The following HHAT variants were observed in gnomAD, a reference collection of about 807,000 sequenced individuals.
HHAT encodes the protein protein-cysteine N-palmitoyltransferase HHAT.
In HHAT, 47 loss-of-function variants were observed where a neutral mutation model predicts 70.8. The observed-to-expected ratio is 0.66, with a 90% CI of 0.53 to 0.85. The LOEUF is 0.85. Ranked by LOEUF, HHAT falls within the 40% of genes least tolerant of loss-of-function variation. The pLI is 0.00. For synonymous variants in HHAT, 228 were observed against 247.6 expected, an observed-to-expected ratio of 0.92 and a Z score of 0.74; for missense variants, 609 against 604.8, an observed-to-expected ratio of 1.01 and a Z score of -0.07.
chr1:210,364,644 G>C (rs557889083), intron 3 of HHAT, among the ~76,000 whole-genome samples: 2 of 152,330 alleles, frequency 1.3e-5, no homozygotes, highest in Admixed American at 1.3e-4. Context: ...CCAGCCATGC[G>C]TTGCTACTTC....
intron 11 of HHAT, among the ~76,000 whole-genome samples, chr1:210,657,271 CT>C (rs1251202837): frequency 6.6e-6 from 1 of 152,214 alleles, no homozygotes; most frequent in African/African-American, 2.4e-5. Context: ...ACCTAGTCCA[CT>C]CCTGGATGAA....
intron 8 of HHAT, among the ~76,000 whole-genome samples, chr1:210,505,407 G>A (rs145336968): frequency 2.1e-4 from 32 of 152,312 alleles, no homozygotes; most frequent in Middle Eastern, 3.4e-3. Context: ...CTGGGGTCTA[G>A]GGGGCCTGGT....
intron 10 of HHAT, among the ~76,000 whole-genome samples, chr1:210,598,861 T>C (rs754430143): frequency 6.6e-6 from 1 of 152,262 alleles, no homozygotes; most frequent in Non-Finnish European, 1.5e-5. Context: ...TGGGTGTTCC[T>C]GCAGAGAGAA....
chr1:210,641,685 T>A (rs1672992426), intron 11 of HHAT, among the ~76,000 whole-genome samples: 1 of 152,192 alleles, frequency 6.6e-6, no homozygotes, highest in African/African-American at 2.4e-5. Flanking sequence ...AAATTCTAAG[T>A]GAATGCAGAA....
In HHAT at chr1:210,330,149, T is replaced by C. The variant is rs74816482; in HGVS notation, c.-44+1045T>C. ...GCTTCATTGAAGAGGCGGTAGTTCA[T>C]TGAAGGAGACTTTGAGGAATGATTT... On this transcript the variant is annotated intron_variant, in intron 1 of 11. Coordinates refer to ENST00000261458, the MANE Select transcript of HHAT (RefSeq NM_018194.6). 5.7e-3 allele frequency among the ~76,000 whole-genome samples: 866 copies of C among 152,334 alleles called. 12 individuals carry two copies. The highest frequency in any genetic ancestry group is 0.02 in the African/African-American group (836 of 41,580).
chr1:210,561,154 A>G (rs1436422237), intron 9 of HHAT, among the ~76,000 whole-genome samples: 1 of 152,140 alleles, frequency 6.6e-6, no homozygotes, highest in South Asian at 2.1e-4. Context: ...ACTGGCCTGT[A>G]CCCTTGACCT....
At chr1:210,526,516 A>G (rs1285474452) in intron 9 of HHAT, among the ~76,000 whole-genome samples, 1 of 152,032 alleles carries the variant, frequency 6.6e-6, no homozygotes, top group East Asian at 1.9e-4. Context: ...AATTAGAGCT[A>G]TTTTTGCATC....
At chr1:210,606,795 A>C (rs576017274) in intron 10 of HHAT, among the ~76,000 whole-genome samples, 2 of 152,310 alleles carry the variant, frequency 1.3e-5, no homozygotes, top group African/African-American at 4.8e-5. Context: ...TTGATTAGGC[A>C]CTGGATCTCA....
chr1:210,455,422 G>A (rs968762739), intron 7 of HHAT, among the ~76,000 whole-genome samples: 1 of 152,068 alleles, frequency 6.6e-6, no homozygotes, highest in Non-Finnish European at 1.5e-5. Flanking sequence ...TTTAGAGCTC[G>A]TTCCCTTTGT....
intron 9 of HHAT, among the ~76,000 whole-genome samples, chr1:210,558,146 G>T (rs764184543): frequency 6.6e-6 from 1 of 152,280 alleles, no homozygotes; most frequent in Non-Finnish European, 1.5e-5. Flanking sequence ...CGTTACTCAG[G>T]TTTGAATTTC....
chr1:210,407,566 G>A (rs114217264), intron 6 of HHAT, among the ~76,000 whole-genome samples: 3,636 of 152,322 alleles, frequency 0.024, 159 homozygotes, highest in African/African-American at 0.083. Context: ...GTATAGAAGC[G>A]TTGTCTTCTG....
At chr1:210,405,539 C>T (rs1394249974) in intron 6 of HHAT, among the ~76,000 whole-genome samples, 2 of 152,078 alleles carry the variant, frequency 1.3e-5, no homozygotes. Flanking sequence ...GAACACATAC[C>T]CACGCATACG....
chr1:210,348,216 T>C (rs985656970), intron 1 of HHAT, among the ~76,000 whole-genome samples: 2 of 151,594 alleles, frequency 1.3e-5, no homozygotes, highest in South Asian at 2.1e-4. Context: ...TCTCCAAAAA[T>C]ACATAAATAA....
At chr1:210,402,978 A>G (rs561577914) in intron 5 of HHAT, among the ~76,000 whole-genome samples, 2 of 152,306 alleles carry the variant, frequency 1.3e-5, no homozygotes, top group African/African-American at 2.4e-5. Context: ...CTGAGCCTCA[A>G]TCTCATCATT....
intron 8 of HHAT, among the ~76,000 whole-genome samples, chr1:210,471,345 GTGTT>G (rs1558583711): frequency 6.6e-6 from 1 of 152,100 alleles, no homozygotes; most frequent in Non-Finnish European, 1.5e-5. Flanking sequence ...AGAAAGAAGA[GTGTT>G]TGCCTTTCTT....
At chr1:210,431,077 C>G (rs1275057985) in intron 7 of HHAT, among the ~76,000 whole-genome samples, 1 of 151,820 alleles carries the variant, frequency 6.6e-6, no homozygotes, top group Non-Finnish European at 1.5e-5. Flanking sequence ...GCTGCTTTGT[C>G]CTTGGGAATT....
intron 8 of HHAT, among the ~76,000 whole-genome samples, chr1:210,497,585 A>G (rs902231762): frequency 6.6e-6 from 1 of 151,990 alleles, no homozygotes; most frequent in Admixed American, 6.6e-5. Context: ...CACTCCTACT[A>G]CTTGTCAGCC....
intron 6 of HHAT, among the ~76,000 whole-genome samples, chr1:210,412,052 C>T (rs761903156): frequency 1.3e-5 from 2 of 152,210 alleles, no homozygotes; most frequent in African/African-American, 4.8e-5. Flanking sequence ...TCCTGGTTCA[C>T]AGGATGGTAC....
intron 7 of HHAT, among the ~76,000 whole-genome samples, chr1:210,422,980 C>T (rs1225132070): frequency 2.0e-5 from 3 of 152,114 alleles, no homozygotes. Context: ...TTGTTGGACA[C>T]CTAGGTTGAT....
Sources: allele counts gnomAD v4.1 joint callset (sites outside exome capture counted in the v4.1 genomes callset), GRCh38; gene constraint gnomAD v4.1.1; transcripts MANE v1.5; gene names NCBI Gene and HGNC (gene_info 2026-07-23, HGNC 2026-07-21).